Variants in SPATA9 observed in about 807,000 individuals in gnomAD.
SPATA9 encodes the protein spermatogenesis-associated protein 9.
Under a neutral mutation model 25.5 loss-of-function variants are expected in SPATA9, and 27 were observed. That is an observed-to-expected ratio of 1.06 (90% CI 0.78 to 1.46). SPATA9 has a LOEUF of 1.46. Ranked by LOEUF, SPATA9 falls within the 40% of genes most tolerant of loss-of-function variation. The pLI is 0.00. For missense variants in SPATA9, 282 were observed against 297.5 expected (o/e 0.95, Z 0.38); for synonymous variants, 102 against 105.7 (o/e 0.97, Z 0.21).
At chr5:95,662,417 A>G (rs1399080688) in intron 4 of SPATA9, among the ~76,000 whole-genome samples, 1 of 152,116 alleles carries the variant, frequency 6.6e-6, no homozygotes, top group African/African-American at 2.4e-5. Context: ...TAAAATTATG[A>G]TATGCTTTTA....
At chr5:95,698,329 G>A (rs1172087440) in intron 1 of SPATA9, among the ~76,000 whole-genome samples, 1 of 152,208 alleles carries the variant, frequency 6.6e-6, no homozygotes, top group Non-Finnish European at 1.5e-5. Context: ...GGAAGGCTAA[G>A]TTCACAGCAA....
the SPATA9 span, among the ~76,000 whole-genome samples, chr5:95,707,490 G>A: frequency 1.3e-4 from 19 of 149,558 alleles, no homozygotes; most frequent in Admixed American, 6.7e-5. Context: ...GAAGGCGGGG[G>A]GCCTAGTTAA....
In SPATA9 at chr5:95,690,163, A is replaced by G. The variant is rs564610251; in HGVS notation, n.124+8425T>C. ...GTTTACCTATATAGCAAACCTACAC[A>G]TGAACTGCTAAAATAAAAGTTAAAA... On this transcript the variant is annotated intron_variant and non_coding_transcript_variant, in intron 1 of 2. Coordinates refer to the SPATA9 transcript ENST00000379990. Among the ~76,000 whole-genome samples, 4 of 152,228 alleles carry G rather than the reference A, an allele frequency of 2.6e-5. No homozygotes were observed. In the South Asian group the frequency reaches 8.3e-4, roughly 32 times the overall value.
upstream of SPATA9, chr5:95,684,706 A>G (rs1003536036): frequency 2.0e-5 from 3 of 152,200 alleles, no homozygotes; most frequent in African/African-American, 7.2e-5. Flanking sequence ...TTTGTGTTTA[A>G]TTATCTTCTT....
downstream of SPATA9, chr5:95,656,095 T>A: frequency 6.2e-7 from 1 of 1,613,722 alleles, no homozygotes; most frequent in Non-Finnish European, 8.5e-7. Flanking sequence ...AAATACAAAA[T>A]TACTTTGGCA....
At chr5:95,682,769 C>A in intron 1 of SPATA9, 25 bp downstream of exon 1, 1 of 1,540,836 alleles carries the variant, frequency 6.5e-7, no homozygotes, top group South Asian at 1.3e-5. Flanking sequence ...CACCCATACG[C>A]CCTTTACAAC....
intron 1 of SPATA9, among the ~76,000 whole-genome samples, chr5:95,689,626 A>T (rs73149655): frequency 1.3e-5 from 2 of 152,142 alleles, no homozygotes; most frequent in Admixed American, 6.5e-5. Flanking sequence ...GTTATTTGAA[A>T]TTATTTTTCT....
chr5:95,705,035 C>T, the SPATA9 span, among the ~76,000 whole-genome samples: 1 of 152,034 alleles, frequency 6.6e-6, no homozygotes, highest in Non-Finnish European at 1.5e-5. Flanking sequence ...GCCTCAACCT[C>T]CCAGGCTCAA....
the SPATA9 span, among the ~76,000 whole-genome samples, chr5:95,704,705 G>A: frequency 1.2e-4 from 19 of 152,172 alleles, no homozygotes; most frequent in South Asian, 6.2e-4. Context: ...CTGAGACTGG[G>A]TAATTTATAA....
At chr5:95,719,253 T>C in the SPATA9 span, among the ~76,000 whole-genome samples, 3 of 152,146 alleles carry the variant, frequency 2.0e-5, no homozygotes, top group Non-Finnish European at 4.4e-5. Context: ...GACGGGAGTA[T>C]AGTAAATGTC....
At chr5:95,667,063 G>A (rs1751880933) in intron 3 of SPATA9, among the ~76,000 whole-genome samples, 1 of 152,100 alleles carries the variant, frequency 6.6e-6, no homozygotes, top group Non-Finnish European at 1.5e-5. Flanking sequence ...TATGAAATAA[G>A]AACACAGGTT....
At chr5:95,692,747 A>C (rs947804656) in intron 1 of SPATA9, among the ~76,000 whole-genome samples, 1 of 152,056 alleles carries the variant, frequency 6.6e-6, no homozygotes, top group Non-Finnish European at 1.5e-5. Context: ...ATTAAGGTTT[A>C]ATATTATATT....
chr5:95,731,326 CG>C, the SPATA9 span: 1 of 1,084,044 alleles, frequency 9.2e-7, no homozygotes. Flanking sequence ...GGAGGAGCAG[CG>C]GCAGCGGCAG....
the SPATA9 span, among the ~76,000 whole-genome samples, chr5:95,709,930 C>A: frequency 6.6e-6 from 1 of 152,110 alleles, no homozygotes; most frequent in Non-Finnish European, 1.5e-5. Flanking sequence ...TTTTTGATAG[C>A]CTTTCCTGCT....
At position 95,682,848 on chromosome 5, in the gene SPATA9, T is replaced by C; in HGVS notation, c.7A>G (p.Ile3Val). 2.6e-6 allele frequency: 4 copies of C among 1,534,474 alleles called. 1 individual carries two copies. The South Asian group carries it at 4.0e-5, about 15-fold the overall frequency. Reference protein sequence around the residue: MPIKPVGWICGQV... With the variant: MPVKPVGWICGQV... The stretch of plus-strand genomic sequence containing the variant: ...CCACATATCCACCCAACAGGTTTGA[T>C]TGGCATGGTGAGTTCTTGCTTGGGT... Residue 3 changes from isoleucine to valine, a missense_variant, in exon 1 of 5, where the codon ATC becomes GTC. Transcript: ENST00000274432.
chr5:95,731,047 A>T, the SPATA9 span: 1 of 1,032,238 alleles, frequency 9.7e-7, no homozygotes, highest in Non-Finnish European at 1.3e-6. Flanking sequence ...GGCTCTGGTT[A>T]CGGCCTTGCG....
chr5:95,710,763 G>C, the SPATA9 span, among the ~76,000 whole-genome samples: 1 of 152,194 alleles, frequency 6.6e-6, no homozygotes, highest in Non-Finnish European at 1.5e-5. Flanking sequence ...TTGGATAGCC[G>C]CCACTAAGAT....
At chr5:95,663,381 A>G (rs1751454581) in intron 4 of SPATA9, among the ~76,000 whole-genome samples, 1 of 152,208 alleles carries the variant, frequency 6.6e-6, no homozygotes, top group Non-Finnish European at 1.5e-5. Context: ...GGGGCAAGAA[A>G]GAGGCTTCTG....
chr5:95,670,934 C>G, intron 3 of SPATA9: 1 of 981,406 alleles, frequency 1.0e-6, no homozygotes, highest in Non-Finnish European at 1.2e-6. Context: ...TTTTCCCTCA[C>G]TGGCAATTCT....
Sources: gnomAD v4.1 joint callset for allele counts (sites outside exome capture counted in the v4.1 genomes callset) on GRCh38, gnomAD v4.1.1 for gene constraint, MANE v1.5 for transcripts, NCBI Gene and HGNC (gene_info 2026-07-23, HGNC 2026-07-21) for gene names.